The following NR2C2 variants were observed in gnomAD, a reference collection of about 807,000 sequenced individuals.
The protein encoded by NR2C2 is Nuclear hormone receptor TR4.
NR2C2 carries 6 observed loss-of-function variants against 62.9 expected under a neutral mutation model. The ratio of observed to expected loss-of-function variants is 0.10; its 90% CI spans 0.05 to 0.19. The LOEUF is 0.19. Ranked by LOEUF, NR2C2 falls within the 10% of genes least tolerant of loss-of-function variation. NR2C2 has a pLI of 1.00. For synonymous variants in NR2C2, 272 were observed against 273.8 expected, an observed-to-expected ratio of 0.99 and a Z score of 0.07; for missense variants, 479 against 762.7, an observed-to-expected ratio of 0.63 and a Z score of 4.38.
At chr3:15,028,542 C>G in intron 7 of NR2C2, 44 bp from the exon 8 acceptor site, 1 of 1,586,660 alleles carries the variant, frequency 6.3e-7, no homozygotes, top group Non-Finnish European at 8.6e-7. Flanking sequence ...GAGTCATTTG[C>G]GTATCTGTGT....
chr3:15,023,459 C>A, intron 6 of NR2C2, 112 bp downstream of exon 6: 1 of 1,224,674 alleles, frequency 8.2e-7, no homozygotes, highest in Non-Finnish European at 1.2e-6. Flanking sequence ...TAGCCTCCAG[C>A]GTTGTGTTGC....
At chr3:15,007,130 T>C (rs1231386801) in intron 2 of NR2C2, among the ~76,000 whole-genome samples, 3 of 142,990 alleles carry the variant, frequency 2.1e-5, no homozygotes, top group Non-Finnish European at 3.1e-5. Context: ...TGACCTCTCT[T>C]TTTTTTTTTT....
chr3:15,032,242 G>T, intron 9 of NR2C2, 137 bp from the exon 10 acceptor site: 1 of 1,197,984 alleles, frequency 8.3e-7, no homozygotes, highest in Non-Finnish European at 1.2e-6. Context: ...CAAGCCCCCC[G>T]ACTGCATGGG....
chr3:15,046,355 C>T lies in NR2C2; in HGVS notation c.*3347C>T, dbSNP rs906230007. The T allele has an allele frequency of 1.3e-5, 2 of 152,310 alleles. No individual in the cohort carries two copies. Among genetic ancestry groups the T allele is most frequent in the South Asian group, 2.1e-4 (1 of 4,830 alleles). The allele number at this position is 152,310 out of a possible 1,614,324, so 9.4% of individuals were successfully genotyped here. ...CCAGCCATGGTGTTAACAGTGGATG[C>T]GTTAGGCTCCTTAATCTCAAGGCAA... On this transcript the variant is annotated 3_prime_UTR_variant, in exon 14 of 14. Transcript: ENST00000425241.
intron 1 of NR2C2, among the ~76,000 whole-genome samples, chr3:14,970,088 A>G (rs1412009053): frequency 7.9e-5 from 12 of 152,102 alleles, no homozygotes; most frequent in Non-Finnish European, 4.4e-5. Context: ...TGACCAATAC[A>G]ATATTAGGCT....
At chr3:15,023,405 G>A (rs1559299420) in intron 6 of NR2C2, 58 bp downstream of exon 6, 11 of 1,586,480 alleles carry the variant, frequency 6.9e-6, no homozygotes, top group Middle Eastern at 1.7e-4. Context: ...AGGCACAGAC[G>A]TGTCCCACAG....
chr3:14,978,238 T>C (rs2040263896), intron 1 of NR2C2, among the ~76,000 whole-genome samples: 1 of 152,144 alleles, frequency 6.6e-6, no homozygotes, highest in Admixed American at 6.5e-5. Context: ...CCCAATAAAC[T>C]CATTATAGCT....
At chr3:15,022,398 C>CTTTTTTTTTTTTTTTTT (rs71038450) in intron 5 of NR2C2, among the ~76,000 whole-genome samples, 27 of 89,136 alleles carry the variant, frequency 3.0e-4, no homozygotes, top group South Asian at 8.8e-4. Flanking sequence ...CTTTTTCTTT[C>CTTTTTTTTTTTTTTTTT]TTTTTTTTTT....
chr3:14,962,176 T>C (rs1484119893), intron 1 of NR2C2, among the ~76,000 whole-genome samples: 2 of 152,254 alleles, frequency 1.3e-5, no homozygotes, highest in East Asian at 1.9e-4. Flanking sequence ...CATCTTTGTC[T>C]ATATTTGTCA....
At chr3:14,986,151 C>T (rs2040508277) in intron 1 of NR2C2, among the ~76,000 whole-genome samples, 1 of 151,872 alleles carries the variant, frequency 6.6e-6, no homozygotes. Context: ...CAAGGTGATA[C>T]TCATAGAAAA....
At chr3:15,003,112 A>ATT (rs35768154) in intron 1 of NR2C2, among the ~76,000 whole-genome samples, 527 of 134,860 alleles carry the variant, frequency 3.9e-3, no homozygotes, top group Non-Finnish European at 6.8e-3. Flanking sequence ...TGCCTGGCTA[A>ATT]TTTTTTTTTT....
At chr3:14,998,543 A>T (rs1397051171) in intron 1 of NR2C2, among the ~76,000 whole-genome samples, 1 of 152,028 alleles carries the variant, frequency 6.6e-6, no homozygotes, top group Non-Finnish European at 1.5e-5. Context: ...TCCTGTGCTT[A>T]TTGGCCATTT....
chr3:14,950,461 C>T (rs2125199105), intron 1 of NR2C2, among the ~76,000 whole-genome samples: 1 of 150,654 alleles, frequency 6.6e-6, no homozygotes, highest in Non-Finnish European at 1.5e-5. Context: ...GTACCCCTAG[C>T]TTCCTGTGCT....
intron 12 of NR2C2, 25 bp from the exon 13 acceptor site, chr3:15,039,095 TGG>T: frequency 5.5e-6 from 8 of 1,442,544 alleles, no homozygotes; most frequent in East Asian, 2.4e-5. Context: ...CAGAGGGAAC[TGG>T]GGGGGGGTAC....
At chr3:14,981,041 G>GA (rs1263573567) in intron 1 of NR2C2, among the ~76,000 whole-genome samples, 1 of 152,182 alleles carries the variant, frequency 6.6e-6, no homozygotes, top group Non-Finnish European at 1.5e-5. Flanking sequence ...GGTCTCTATT[G>GA]ACAATTTTAT....
intron 13 of NR2C2, 24 bp downstream of exon 13, chr3:15,039,251 T>G (rs762782449): frequency 2.1e-5 from 32 of 1,499,406 alleles, no homozygotes; most frequent in Non-Finnish European, 2.8e-5. Context: ...GCATATGCGC[T>G]CTTGCTTGGG....
intron 1 of NR2C2, among the ~76,000 whole-genome samples, chr3:14,953,217 G>A (rs938359841): frequency 2.0e-5 from 3 of 152,174 alleles, no homozygotes; most frequent in African/African-American, 7.2e-5. Flanking sequence ...CTCCTTCACT[G>A]TAATAAGAGG....
At chr3:14,980,802 A>G (rs537041102) in intron 1 of NR2C2, among the ~76,000 whole-genome samples, 3 of 152,334 alleles carry the variant, frequency 2.0e-5, no homozygotes, top group South Asian at 2.1e-4. Context: ...GGAGAAATGC[A>G]TAAAGATAGA....
chr3:15,003,798 G>C (rs2041088462), intron 1 of NR2C2, 78 bp from the exon 2 acceptor site: 2 of 859,282 alleles, frequency 2.3e-6, no homozygotes, highest in East Asian at 2.6e-5. Flanking sequence ...CACAGTGAAA[G>C]CAAGAGGCGT....
Sources: allele counts gnomAD v4.1 joint callset (sites outside exome capture counted in the v4.1 genomes callset), GRCh38; gene constraint gnomAD v4.1.1; transcripts MANE v1.5; gene names NCBI Gene and HGNC (gene_info 2026-07-23, HGNC 2026-07-21).